NRXN3: variants seen among roughly 807,000 people sequenced by gnomAD.
NRXN3 encodes neurexin 3, also known as neurexin III.
NRXN3 carries 32 observed loss-of-function variants against 137.6 expected under a neutral mutation model. The observed-to-expected ratio is 0.23, with a 90% CI of 0.18 to 0.31. The LOEUF (loss-of-function observed/expected upper bound fraction) is 0.31. Among genes scored for constraint, NRXN3 ranks in the 10% least tolerant of loss-of-function variants. NRXN3 has a pLI of 1.00. For synonymous variants in NRXN3, 798 were observed against 784.5 expected, an observed-to-expected ratio of 1.02 and a Z score of -0.29; for missense variants, 1,574 against 2,062.5, an observed-to-expected ratio of 0.76 and a Z score of 4.59.
chr14:78,194,188 A>G (rs1354324818), intron 1 of NRXN3, among the ~76,000 whole-genome samples: 1 of 152,226 alleles, frequency 6.6e-6, no homozygotes, highest in African/African-American at 2.4e-5. Context: ...CCACAGATTC[A>G]TCCCATTGCA....
At chr14:78,989,224 G>A (rs1257981638) in intron 15 of NRXN3, among the ~76,000 whole-genome samples, 1 of 152,166 alleles carries the variant, frequency 6.6e-6, no homozygotes, top group Non-Finnish European at 1.5e-5. Flanking sequence ...AAATAGTAAA[G>A]TCACATTATG....
At chr14:78,775,274 A>G (rs1170194503) in intron 8 of NRXN3, among the ~76,000 whole-genome samples, 1 of 152,208 alleles carries the variant, frequency 6.6e-6, no homozygotes, top group Non-Finnish European at 1.5e-5. Context: ...AGTTTAGTTT[A>G]GTAGAAGGCC....
chr14:78,776,278 A>G (rs1027251204), intron 8 of NRXN3, among the ~76,000 whole-genome samples: 2 of 152,330 alleles, frequency 1.3e-5, no homozygotes, highest in African/African-American at 4.8e-5. Context: ...TAAATTCAGA[A>G]TTCTGAGTAG....
chr14:78,399,374 C>T (rs989005850), intron 4 of NRXN3, among the ~76,000 whole-genome samples: 2 of 152,118 alleles, frequency 1.3e-5, no homozygotes, highest in South Asian at 2.1e-4. Flanking sequence ...ATACTCTATT[C>T]TCCCTGAAAC....
intron 15 of NRXN3, among the ~76,000 whole-genome samples, chr14:79,348,930 C>T (rs1030285126): frequency 1.4e-4 from 21 of 152,184 alleles, no homozygotes; most frequent in African/African-American, 5.1e-4. Flanking sequence ...TCTTTTATAA[C>T]TCCCTTGATG....
intron 2 of NRXN3, among the ~76,000 whole-genome samples, chr14:78,261,225 G>A (rs1234656373): frequency 6.6e-6 from 1 of 152,166 alleles, no homozygotes; most frequent in South Asian, 2.1e-4. Context: ...GCCCAGCTGG[G>A]GGGTCTCTAG....
chr14:78,390,107 C>T (rs1239090120), intron 4 of NRXN3, among the ~76,000 whole-genome samples: 1 of 152,136 alleles, frequency 6.6e-6, no homozygotes, highest in African/African-American at 2.4e-5. Context: ...TGTAGCTTTA[C>T]AGTAAAGATT....
At chr14:79,339,154 C>G (rs1456416186) in intron 15 of NRXN3, among the ~76,000 whole-genome samples, 1 of 152,124 alleles carries the variant, frequency 6.6e-6, no homozygotes, top group Non-Finnish European at 1.5e-5. Context: ...GTTACCTTCA[C>G]AGTAACAGCT....
chr14:79,200,938 T>C (rs1036052857), intron 15 of NRXN3: 2 of 145,988 alleles, frequency 1.4e-5, no homozygotes, highest in South Asian at 2.2e-4. Context: ...ATTTTGGAAA[T>C]ACGTATTATA....
intron 15 of NRXN3, among the ~76,000 whole-genome samples, chr14:79,088,263 A>G (rs1277097123): frequency 2.0e-5 from 3 of 149,624 alleles, no homozygotes; most frequent in South Asian, 2.1e-4. Flanking sequence ...TCTGCTCACC[A>G]TCTTACCCTT....
At chr14:78,424,237 C>T (rs1014577585) in intron 4 of NRXN3, among the ~76,000 whole-genome samples, 1 of 152,202 alleles carries the variant, frequency 6.6e-6, no homozygotes, top group Non-Finnish European at 1.5e-5. Flanking sequence ...CTGCAGTGGG[C>T]ACCCTTAAGA....
chr14:79,375,293 C>A lies in NRXN3; in HGVS notation c.3263-91928C>A, dbSNP rs367647224. 2.7e-5 allele frequency among the ~76,000 whole-genome samples: 4 copies of A among 150,840 alleles called. No individual in the cohort carries two copies. In the South Asian group the frequency reaches 8.5e-4, roughly 32 times the overall value. On this transcript the variant is annotated intron_variant, in intron 15 of 20. Coordinates refer to ENST00000335750, the MANE Select transcript of NRXN3 (RefSeq NM_001330195.2). Reference sequence around the variant, plus strand: ...ACACCCCCGCCTCCAGCTCCCACCCCCTCCCACACATATACCCTTTTTTCA... The same window carrying A: ...ACACCCCCGCCTCCAGCTCCCACCCACTCCCACACATATACCCTTTTTTCA...
chr14:79,197,075 GCT>G (rs2065238615), intron 15 of NRXN3, among the ~76,000 whole-genome samples: 1 of 152,186 alleles, frequency 6.6e-6, no homozygotes, highest in Non-Finnish European at 1.5e-5. Flanking sequence ...GGTCCAGCCT[GCT>G]AGCTTGGGCA....
intron 16 of NRXN3, among the ~76,000 whole-genome samples, chr14:79,507,343 G>A (rs971183555): frequency 6.6e-6 from 1 of 152,180 alleles, no homozygotes; most frequent in Non-Finnish European, 1.5e-5. Context: ...TACCAAGTTG[G>A]TGAAAGGTAC....
chr14:78,629,496 T>C (rs2097500164), intron 4 of NRXN3, among the ~76,000 whole-genome samples: 1 of 152,234 alleles, frequency 6.6e-6, no homozygotes, highest in Admixed American at 6.5e-5. Flanking sequence ...ACAGATCTTT[T>C]CTGCCAAACC....
chr14:79,750,236 G>A (rs1037138252), intron 19 of NRXN3, among the ~76,000 whole-genome samples: 1 of 152,072 alleles, frequency 6.6e-6, no homozygotes. Flanking sequence ...CCTGTATAGT[G>A]GTGAGTCTGA....
At chr14:79,712,323 C>T (rs2098807248) in intron 19 of NRXN3, among the ~76,000 whole-genome samples, 1 of 152,204 alleles carries the variant, frequency 6.6e-6, no homozygotes, top group South Asian at 2.1e-4. Context: ...CCCTGCCCTA[C>T]AACCCACACA....
chr14:78,175,542 G>A (rs748379150), intron 1 of NRXN3, among the ~76,000 whole-genome samples: 28 of 152,290 alleles, frequency 1.8e-4, no homozygotes, highest in African/African-American at 6.3e-4. Context: ...GCTGTGGTCC[G>A]GTTCCTGCTG....
intron 6 of NRXN3, among the ~76,000 whole-genome samples, chr14:78,693,400 CTTGTTTTGTT>C (rs1009563691): frequency 6.6e-6 from 1 of 151,784 alleles, no homozygotes; most frequent in African/African-American, 2.4e-5. Context: ...TCTCATAAAA[CTTGTTTTGTT>C]TTGTTTTGTT....
Sources: allele counts gnomAD v4.1 joint callset (sites outside exome capture counted in the v4.1 genomes callset), GRCh38; gene constraint gnomAD v4.1.1; transcripts MANE v1.5; gene names NCBI Gene and HGNC (gene_info 2026-07-23, HGNC 2026-07-21).